Variants in LAMA2 observed in about 807,000 individuals in gnomAD.
LAMA2 encodes the protein laminin subunit alpha-2.
In LAMA2, 269 loss-of-function variants were observed where a neutral mutation model predicts 364.8. That is an observed-to-expected ratio of 0.74 (90% CI 0.67 to 0.82). The LOEUF (loss-of-function observed/expected upper bound fraction) is 0.82. Among genes scored for constraint, LAMA2 ranks in the 40% least tolerant of loss-of-function variants. The pLI, the probability that LAMA2 is intolerant of heterozygous loss-of-function variation, is 0.00. For synonymous variants in LAMA2, 1,379 were observed against 1,370.6 expected, an observed-to-expected ratio of 1.01 and a Z score of -0.14; for missense variants, 3,807 against 3,873.2, an observed-to-expected ratio of 0.98 and a Z score of 0.45.
At chr6:129,087,566 T>C (rs912038251) in intron 3 of LAMA2, among the ~76,000 whole-genome samples, 2 of 152,184 alleles carry the variant, frequency 1.3e-5, no homozygotes, top group Non-Finnish European at 2.9e-5. Flanking sequence ...AAAGAAAATC[T>C]CTAAATTATT....
At chr6:129,156,850 C>G (rs560418248) in intron 8 of LAMA2, among the ~76,000 whole-genome samples, 35 of 152,036 alleles carry the variant, frequency 2.3e-4, no homozygotes, top group African/African-American at 8.5e-4. Context: ...AAGTAAATGG[C>G]TTGTATGAGA....
rs2114502892 is a variant in LAMA2 at position 129,316,043 on chromosome 6, A to G, written c.3930A>G (p.Glu1310=). The G allele has an allele frequency of 6.2e-7, 1 of 1,614,130 alleles. No individual in the cohort carries two copies. The highest frequency in any genetic ancestry group is 8.5e-7 in the Non-Finnish European group (1 of 1,179,986). The change falls in exon 27 of 65, where the codon GAA becomes GAG. Residue 1310 remains glutamate (E), a synonymous_variant. Transcript: ENST00000421865. ...TRHEIEMTEK[E]WKYYGDDPRV... is the part of the protein sequence containing the mutation. ...ATTTCTCTTCTTGTTAACAGAAAGA[A>G]TGGAAATATTATGGGGATGATCCTC...
At chr6:128,973,030 TATAGATTAGACA>T (rs1217112986) in intron 1 of LAMA2, among the ~76,000 whole-genome samples, 17 of 152,254 alleles carry the variant, frequency 1.1e-4, no homozygotes, top group Middle Eastern at 3.4e-3. Context: ...AAAAATAAAT[TATAGATTAGACA>T]ACGTATTAAT....
chr6:129,248,633 A>G (rs555985401), intron 12 of LAMA2, among the ~76,000 whole-genome samples: 2 of 152,298 alleles, frequency 1.3e-5, no homozygotes, highest in Non-Finnish European at 1.5e-5. Context: ...TTATAGGCCT[A>G]TGTCCCAATA....
chr6:129,465,352 C>CCT, intron 51 of LAMA2, 63 bp downstream of exon 51: 1 of 1,324,770 alleles, frequency 7.5e-7, no homozygotes, highest in Non-Finnish European at 1.1e-6. Flanking sequence ...TGCACATGTA[C>CCT]CTGATCAAGA....
At position 129,224,661 on chromosome 6, in the gene LAMA2, G is replaced by C. The variant is rs975958351; in HGVS notation, c.1783-25451G>C. On this transcript the variant is annotated intron_variant, in intron 12 of 64. Transcript: ENST00000421865. ...TTATTGATTTGTGTATGTTGAACCA[G>C]CCTTGCATCCCGTGGATGAAGCCCA... 2.6e-5 allele frequency among the ~76,000 whole-genome samples: 4 copies of C among 152,292 alleles called. No homozygotes were observed. In the South Asian group the frequency reaches 6.2e-4, roughly 24 times the overall value.
At chr6:129,253,827 G>C (rs528691381) in intron 14 of LAMA2, among the ~76,000 whole-genome samples, 1 of 152,282 alleles carries the variant, frequency 6.6e-6, no homozygotes, top group African/African-American at 2.4e-5. Flanking sequence ...GTCTTCTGAG[G>C]TTTCGCCATA....
At chr6:129,084,706 G>A (rs929770079) in intron 3 of LAMA2, among the ~76,000 whole-genome samples, 1 of 152,064 alleles carries the variant, frequency 6.6e-6, no homozygotes, top group African/African-American at 2.4e-5. Context: ...ACCATTTGCA[G>A]TACCATTCTT....
intron 3 of LAMA2, among the ~76,000 whole-genome samples, chr6:129,070,986 A>G (rs989113876): frequency 3.3e-5 from 5 of 152,174 alleles, no homozygotes; most frequent in Non-Finnish European, 7.4e-5. Flanking sequence ...TCCAATCACT[A>G]TCTTGCCTTC....
intron 1 of LAMA2, among the ~76,000 whole-genome samples, chr6:128,887,584 G>A (rs1427744512): frequency 6.6e-6 from 1 of 151,958 alleles, no homozygotes; most frequent in African/African-American, 2.4e-5. Flanking sequence ...AAGGGATGCT[G>A]GGGGCTGGGC....
chr6:129,147,122 A>G, intron 6 of LAMA2, 74 bp downstream of exon 6: 1 of 959,874 alleles, frequency 1.0e-6, no homozygotes. Context: ...GTCTTTGCTG[A>G]CAGAGAACGC....
chr6:128,965,497 C>T (rs916906291), intron 1 of LAMA2, among the ~76,000 whole-genome samples: 2 of 151,992 alleles, frequency 1.3e-5, no homozygotes, highest in Admixed American at 1.3e-4. Flanking sequence ...AAATTGAAAA[C>T]ATCATGAAAG....
intron 29 of LAMA2, among the ~76,000 whole-genome samples, chr6:129,333,322 AAT>A (rs556546846): frequency 6.6e-6 from 1 of 152,214 alleles, no homozygotes; most frequent in Non-Finnish European, 1.5e-5. Flanking sequence ...TACTGATTTT[AAT>A]ATGATTGCCT....
chr6:128,901,017 T>G (rs1777051741), intron 1 of LAMA2, among the ~76,000 whole-genome samples: 1 of 152,118 alleles, frequency 6.6e-6, no homozygotes, highest in Non-Finnish European at 1.5e-5. Context: ...ATTAGCTGCG[T>G]GTGGTGGCAC....
chr6:129,008,240 C>T (rs573790492), intron 1 of LAMA2, among the ~76,000 whole-genome samples: 5 of 152,090 alleles, frequency 3.3e-5, no homozygotes, highest in Admixed American at 6.5e-5. Flanking sequence ...CATTTACTGA[C>T]GTAAGCATTG....
intron 4 of LAMA2, among the ~76,000 whole-genome samples, chr6:129,136,590 C>A (rs879783605): frequency 1.3e-5 from 2 of 150,738 alleles, no homozygotes; most frequent in East Asian, 1.9e-4. Context: ...CTGCACAAAC[C>A]TTTTAACTAG....
In LAMA2 at chr6:129,099,052, C is replaced by T. The variant is rs1775349392; in HGVS notation, c.639+637C>T. Among the ~76,000 whole-genome samples, 4 of 151,172 alleles carry T rather than the reference C, an allele frequency of 2.6e-5. 1 individual carries two copies. The South Asian group carries it at 8.4e-4, about 32-fold the overall frequency. On this transcript the variant is annotated intron_variant, in intron 4 of 64. Coordinates refer to ENST00000421865, the MANE Select transcript of LAMA2 (RefSeq NM_000426.4). Reference sequence around the variant, plus strand: ...TTAGATTCATTCATTGATTTTAAGCCACATATTCTAACCATGGCTTCAGTT... The same window carrying T: ...TTAGATTCATTCATTGATTTTAAGCTACATATTCTAACCATGGCTTCAGTT...
At chr6:129,424,553 GA>G (rs1781234076) in intron 40 of LAMA2, among the ~76,000 whole-genome samples, 2 of 151,836 alleles carry the variant, frequency 1.3e-5, no homozygotes, top group Non-Finnish European at 2.9e-5. Context: ...AATAACCCAA[GA>G]AAATTTGAAC....
chr6:129,377,927 A>G (rs1460873899), intron 34 of LAMA2, among the ~76,000 whole-genome samples: 1 of 152,124 alleles, frequency 6.6e-6, no homozygotes, highest in African/African-American at 2.4e-5. Context: ...CTGCCTAGAC[A>G]TAAATACTCT....
Sources: gnomAD v4.1 joint callset for allele counts (sites outside exome capture counted in the v4.1 genomes callset) on GRCh38, gnomAD v4.1.1 for gene constraint, MANE v1.5 for transcripts, NCBI Gene and HGNC (gene_info 2026-07-23, HGNC 2026-07-21) for gene names.